Variants in CNGB3 observed in about 807,000 individuals in gnomAD.
CNGB3 encodes cyclic nucleotide-gated channel beta-3.
In CNGB3, 86 loss-of-function variants were observed where a neutral mutation model predicts 92.8. That is an observed-to-expected ratio of 0.93 (90% CI 0.78 to 1.11). The LOEUF (loss-of-function observed/expected upper bound fraction) is 1.11. Ranked by LOEUF, CNGB3 falls within the 50% of genes least tolerant of loss-of-function variation. CNGB3 has a pLI of 0.00. For synonymous variants in CNGB3, 333 were observed against 332.7 expected (o/e 1.00, Z -0.01); for missense variants, 1,026 against 956.8 (o/e 1.07, Z -0.95).
At chr8:86,614,813 C>T (rs576156954) in intron 13 of CNGB3, among the ~76,000 whole-genome samples, 2 of 152,254 alleles carry the variant, frequency 1.3e-5, no homozygotes, top group East Asian at 1.9e-4. Flanking sequence ...GAAAGGCACA[C>T]TGTGAACAGC....
At position 86,701,212 on chromosome 8, in the gene CNGB3, T is replaced by C. The variant is rs374324666; in HGVS notation, c.338+25319A>G. Among the ~76,000 whole-genome samples, 128 of 152,298 alleles carry C rather than the reference T, an allele frequency of 8.4e-4. 1 individual carries two copies. In the South Asian group the frequency reaches 8.9e-3, roughly 11 times the overall value. ...TAACTATCCCTCCCATCTTTTAGAT[T>C]CAGCTGTTCCTTGGCTTTAGAAAAA... On this transcript the variant is annotated intron_variant, in intron 3 of 17. Coordinates refer to ENST00000320005, the MANE Select transcript of CNGB3 (RefSeq NM_019098.5).
intron 3 of CNGB3, among the ~76,000 whole-genome samples, chr8:86,725,007 T>C (rs1825036233): frequency 6.6e-6 from 1 of 152,118 alleles, no homozygotes; most frequent in South Asian, 2.1e-4. Flanking sequence ...GATTGACCCC[T>C]GGGTAATTGA....
intron 15 of CNGB3, among the ~76,000 whole-genome samples, chr8:86,596,240 A>G (rs938967446): frequency 2.6e-5 from 4 of 152,236 alleles, no homozygotes; most frequent in Admixed American, 1.3e-4. Context: ...TAATAAAGTA[A>G]TATCAGTAAT....
At position 86,651,181 on chromosome 8, in the gene CNGB3, C is replaced by T. The variant is rs577677451; in HGVS notation, c.903+2831G>A. ...AAGGGGGGGTGTGTTTGGGGTGGGA[C>T]AAAAAAACTGCATACTGGATACAAT... On this transcript the variant is annotated intron_variant, in intron 7 of 17. Coordinates refer to ENST00000320005, the MANE Select transcript of CNGB3 (RefSeq NM_019098.5). Among the ~76,000 whole-genome samples, 5 of 150,948 alleles carry T rather than the reference C, an allele frequency of 3.3e-5. No individual in the cohort carries two copies. In the South Asian group the frequency reaches 1.1e-3, roughly 32 times the overall value.
intron 13 of CNGB3, among the ~76,000 whole-genome samples, chr8:86,624,892 C>T (rs757396022): frequency 1.3e-5 from 2 of 152,174 alleles, no homozygotes; most frequent in African/African-American, 4.8e-5. Flanking sequence ...TCAGCACCAT[C>T]CCCTTTGGTA....
At position 86,668,019 on chromosome 8, in the gene CNGB3, C is replaced by G. The variant is rs1174949911; in HGVS notation, c.643G>C (p.Asp215His). 6.2e-7 allele frequency: 1 copy of G among 1,613,924 alleles called. No individual in the cohort carries two copies. Among genetic ancestry groups the G allele is most frequent in the Non-Finnish European group, 8.5e-7 (1 of 1,179,968 alleles). Reference sequence around the variant, plus strand: ...ATGATAATTCACCCTTTGATAATACCTGTGTATGAATCTATGCTGTTTGGA... The same window carrying G: ...ATGATAATTCACCCTTTGATAATACGTGTGTATGAATCTATGCTGTTTGGA... ...KLPNSIDSYT[D>H]RLYLLWLLLV... Residue 215 changes from aspartate (D) to histidine (H), a missense_variant and splice_region_variant, in exon 5 of 18, where the codon GAT becomes CAT. Transcript: ENST00000320005.
intron 7 of CNGB3, among the ~76,000 whole-genome samples, chr8:86,648,126 T>C (rs1369616073): frequency 6.6e-6 from 1 of 151,196 alleles, no homozygotes; most frequent in African/African-American, 2.4e-5. Context: ...GATCTCTCCT[T>C]AGGCGTTGCA....
At chr8:86,603,929 C>T (rs1585963936) in intron 15 of CNGB3, among the ~76,000 whole-genome samples, 164 bp downstream of exon 15, 1 of 152,170 alleles carries the variant, frequency 6.6e-6, no homozygotes, top group East Asian at 1.9e-4. Context: ...CCTTAGGTCG[C>T]TTTGGTGAAG....
At chr8:86,589,967 G>A (rs1382849990) in intron 15 of CNGB3, among the ~76,000 whole-genome samples, 194 of 146,338 alleles carry the variant, frequency 1.3e-3, no homozygotes, top group African/African-American at 4.9e-3. Context: ...TTATTGTGTG[G>A]GAGTCTAAGT....
rs377050872 is a variant in CNGB3, at chr8:86,576,034, C to G, written c.2200G>C (p.Gly734Arg). 12 of 1,608,168 alleles carry G rather than the reference C, an allele frequency of 7.5e-6. No individual in the cohort carries two copies. Among genetic ancestry groups the G allele is most frequent in the African/African-American group, 6.7e-5 (5 of 74,484 alleles). ...TTATCTTTATCTTCATTTTCTTTTC[C>G]TTTATCTTCATTTTCTTTTTGTTTA... ...EDKQKENEDK[G>R]KENEDKDKGR... Residue 734 changes from glycine to arginine, a missense_variant, in exon 18 of 18, where the codon GGA (glycine) becomes CGA (arginine). By Grantham distance (125) the Gly-to-Arg change is moderately radical. Coordinates refer to ENST00000320005, the MANE Select transcript of CNGB3 (RefSeq NM_019098.5).
At position 86,720,193 on chromosome 8, in the gene CNGB3, C is replaced by T. The variant is rs528879142; in HGVS notation, c.338+6338G>A. ...GCTTTTGCACAGCAAAGTAAATAATCAGCAGAGTTAACAGACAACCCACAG... is the reference window on the plus strand; with the variant it reads ...GCTTTTGCACAGCAAAGTAAATAATTAGCAGAGTTAACAGACAACCCACAG... On this transcript the variant is annotated intron_variant, in intron 3 of 17. Coordinates refer to ENST00000320005, the MANE Select transcript of CNGB3 (RefSeq NM_019098.5). Among the ~76,000 whole-genome samples, 22 of 152,292 alleles carry T rather than the reference C, an allele frequency of 1.4e-4. No individual in the cohort carries two copies. The South Asian group carries it at 4.4e-3, about 30-fold the overall frequency.
At position 86,583,218 on chromosome 8, in the gene CNGB3, A is replaced by G. The variant is rs72692211; in HGVS notation, c.1782-3966T>C. ...GCTCGACAATTTTTTCGCATTCTTA[A>G]TTGTTATAAAAGACAACTGTTTAAT... On this transcript the variant is annotated intron_variant, in intron 15 of 17. Coordinates refer to ENST00000320005, the MANE Select transcript of CNGB3 (RefSeq NM_019098.5). Among the ~76,000 whole-genome samples, 1,272 of 152,260 alleles carry G rather than the reference A, an allele frequency of 8.4e-3. 10 individuals are homozygous for G. Among genetic ancestry groups the G allele is most frequent in the Non-Finnish European group, 0.014 (955 of 68,020 alleles).
At chr8:86,631,902 G>A (rs998698771) in intron 11 of CNGB3, among the ~76,000 whole-genome samples, 5 of 152,028 alleles carry the variant, frequency 3.3e-5, no homozygotes, top group African/African-American at 1.2e-4. Context: ...TTTCTCCCAC[G>A]GTTAGAGATG....
At chr8:86,723,395 T>C (rs1051468659) in intron 3 of CNGB3, among the ~76,000 whole-genome samples, 2 of 152,174 alleles carry the variant, frequency 1.3e-5, no homozygotes, top group Non-Finnish European at 2.9e-5. Context: ...AAAGAGCTTT[T>C]TAAAACCTGA....
chr8:86,667,193 G>A, intron 5 of CNGB3, 60 bp from the exon 6 acceptor site: 1 of 1,485,772 alleles, frequency 6.7e-7, no homozygotes, highest in Non-Finnish European at 9.3e-7. Context: ...AAAGAATTCT[G>A]TTGCTTAGTT....
At chr8:86,585,359 T>C (rs1240580395) in intron 15 of CNGB3, among the ~76,000 whole-genome samples, 1 of 152,060 alleles carries the variant, frequency 6.6e-6, no homozygotes, top group Non-Finnish European at 1.5e-5. Flanking sequence ...AGCTAGAATA[T>C]TAAGATAGTC....
chr8:86,656,107 A>G (rs185369223), intron 6 of CNGB3, among the ~76,000 whole-genome samples: 2 of 152,326 alleles, frequency 1.3e-5, no homozygotes, highest in Admixed American at 1.3e-4. Flanking sequence ...AAAATATATG[A>G]CATGCTCATT....
intron 2 of CNGB3, 77 bp from the exon 3 acceptor site, chr8:86,726,734 A>G (rs1002484713): frequency 2.0e-6 from 3 of 1,529,282 alleles, no homozygotes; most frequent in Non-Finnish European, 2.7e-6. Context: ...CATGAGCTAC[A>G]AAGATGCTGC....
intron 10 of CNGB3, among the ~76,000 whole-genome samples, chr8:86,636,601 A>AAAAAAAAG (rs1823077357): frequency 7.1e-6 from 1 of 141,018 alleles, no homozygotes; most frequent in Non-Finnish European, 1.6e-5. Context: ...AAAAAAAAAA[A>AAAAAAAAG]GGCACTAATG....
Sources: gnomAD v4.1 joint callset for allele counts (sites outside exome capture counted in the v4.1 genomes callset) on GRCh38, gnomAD v4.1.1 for gene constraint, MANE v1.5 for transcripts, NCBI Gene and HGNC (gene_info 2026-07-23, HGNC 2026-07-21) for gene names.